Variants in PIK3C3 observed in about 807,000 individuals in gnomAD.
PIK3C3 encodes the protein PI3-kinase type 3.
In PIK3C3, 95 loss-of-function variants were observed where a neutral mutation model predicts 126.1. The ratio of observed to expected loss-of-function variants is 0.75; its 90% CI spans 0.64 to 0.89. The LOEUF is 0.89. Ranked by LOEUF, PIK3C3 falls within the 40% of genes least tolerant of loss-of-function variation. The pLI is 0.00. For missense variants in PIK3C3, 829 were observed against 1,063.2 expected (o/e 0.78, Z 3.06); for synonymous variants, 374 against 360.0 (o/e 1.04, Z -0.44).
At chr18:42,015,680 A>G (rs1361270935) in intron 12 of PIK3C3, 114 bp downstream of exon 12, 1 of 736,356 alleles carries the variant, frequency 1.4e-6, no homozygotes, top group African/African-American at 1.8e-5. Flanking sequence ...CAACTTTATT[A>G]AATAACTTAC....
chr18:42,064,836 T>A lies in PIK3C3; in HGVS notation c.2523+6T>A, dbSNP rs139276297. 203 of 1,451,892 alleles carry A rather than the reference T, an allele frequency of 1.4e-4. 1 individual carries two copies. The East Asian group carries it at 3.8e-3, about 27-fold the overall frequency. The allele number at this position is 1,451,892 out of a possible 1,614,324, so 89.9% of individuals were successfully genotyped here. On this transcript the variant is annotated splice_donor_region_variant and intron_variant, in intron 23 of 24. Coordinates refer to ENST00000262039, the MANE Select transcript of PIK3C3 (RefSeq NM_002647.4). ...CAGATAAAACTGTGAAAAAGGTAAT[T>A]TTTAAGTAACATAAATGAAGAGCTC...
At position 42,033,285 on chromosome 18, in the gene PIK3C3, AAATG is replaced by A. The variant is rs1185707599; in HGVS notation, c.1708-535_1708-532del. 2.0e-5 allele frequency among the ~76,000 whole-genome samples: 3 copies of A among 152,252 alleles called. No individual in the cohort carries two copies. The East Asian group carries it at 5.8e-4, about 29-fold the overall frequency. ...ATGCATTATGTATATGAGCTGAAGA[AAATG>A]AATGATGATGATATCCTAGGAAAAG... On this transcript the variant is annotated intron_variant, in intron 15 of 24. Coordinates refer to ENST00000262039, the MANE Select transcript of PIK3C3 (RefSeq NM_002647.4).
At chr18:41,983,867 T>C (rs911622028) in intron 4 of PIK3C3, among the ~76,000 whole-genome samples, 1 of 152,146 alleles carries the variant, frequency 6.6e-6, no homozygotes, top group African/African-American at 2.4e-5. Context: ...CATGTTGTTA[T>C]TTGGTTCTTG....
At position 42,085,065 on chromosome 18, in the gene PIK3C3, A is replaced by G. The variant is rs750972692; in HGVS notation, c.*3928A>G. ...TAACTTCATTTTCCCTTTCTTGTCCATAGTGGGAAAAAATAATTTTTAACT... is the reference window on the plus strand; with the variant it reads ...TAACTTCATTTTCCCTTTCTTGTCCGTAGTGGGAAAAAATAATTTTTAACT... On this transcript the variant is annotated 3_prime_UTR_variant, in exon 25 of 25. Transcript: ENST00000262039. 1.1e-4 allele frequency: 16 copies of G among 152,298 alleles called. No individual in the cohort carries two copies. Among genetic ancestry groups the G allele is most frequent in the African/African-American group, 3.1e-4 (13 of 41,568 alleles). The allele number at this position is 152,298 out of a possible 1,614,324, so 9.4% of individuals were successfully genotyped here. A position where few individuals can be genotyped will look rare whatever the true frequency, so the allele number is the denominator to read the frequency against.
At chr18:41,997,885 T>C (rs1239665396) in intron 9 of PIK3C3, among the ~76,000 whole-genome samples, 1 of 152,146 alleles carries the variant, frequency 6.6e-6, no homozygotes, top group East Asian at 1.9e-4. Context: ...CAACATCATA[T>C]ACATGCCTTA....
At chr18:42,028,038 C>T (rs1983653056) in intron 14 of PIK3C3, among the ~76,000 whole-genome samples, 1 of 152,074 alleles carries the variant, frequency 6.6e-6, no homozygotes, top group African/African-American at 2.4e-5. Flanking sequence ...TTTTAGTGTT[C>T]ATAAATTTAT....
At chr18:41,999,745 A>G (rs1008643382) in intron 9 of PIK3C3, among the ~76,000 whole-genome samples, 1 of 152,180 alleles carries the variant, frequency 6.6e-6, no homozygotes, top group Non-Finnish European at 1.5e-5. Flanking sequence ...TTAATATAAT[A>G]TAAATGTGGA....
rs1290461602 is a variant in PIK3C3, at chr18:42,076,181, CATAT to C, written c.2650-4935_2650-4932del. On this transcript the variant is annotated intron_variant, in intron 24 of 24. Transcript: ENST00000262039. ...ATATATGCACATATATATATATGCACATATATATATGCACACATATATATATGCA... is the reference window on the plus strand; with the variant it reads ...ATATATGCACATATATATATATGCACATATATGCACACATATATATATGCA... Among the ~76,000 whole-genome samples, 3 of 97,916 alleles carry C rather than the reference CATAT, an allele frequency of 3.1e-5. 1 individual carries two copies. Among genetic ancestry groups the C allele is most frequent in the African/African-American group, 1.5e-4 (3 of 19,370 alleles). 64.2% of individuals were successfully genotyped at this position (97,916 alleles called of 152,430 possible). A position where few individuals can be genotyped will look rare whatever the true frequency, so the allele number is the denominator to read the frequency against.
intron 21 of PIK3C3, among the ~76,000 whole-genome samples, chr18:42,056,566 A>G (rs1371862027): frequency 2.6e-5 from 4 of 151,934 alleles, no homozygotes; most frequent in African/African-American, 7.3e-5. Context: ...ACCAAGGAAA[A>G]TGTATCTACA....
chr18:41,976,850 GA>G (rs1165095497), intron 4 of PIK3C3, among the ~76,000 whole-genome samples: 3 of 152,208 alleles, frequency 2.0e-5, no homozygotes, highest in Non-Finnish European at 2.9e-5. Flanking sequence ...TGAAAGCGTA[GA>G]GAAGTTAAGC....
intron 5 of PIK3C3, 90 bp downstream of exon 5, chr18:41,987,988 C>T (rs1568123815): frequency 1.3e-6 from 1 of 746,106 alleles, no homozygotes. Flanking sequence ...AGGTATCTTA[C>T]AAATATAGGA....
In PIK3C3 at chr18:42,033,764, C is replaced by T. The variant is rs559070015; in HGVS notation, c.1708-62C>T. 64 of 1,258,510 alleles carry T rather than the reference C, an allele frequency of 5.1e-5. No homozygotes were observed. In the African/African-American group the frequency reaches 9.1e-4, roughly 18 times the overall value. The allele number at this position is 1,258,510 out of a possible 1,614,324, so 78.0% of individuals were successfully genotyped here. A position where few individuals can be genotyped will look rare whatever the true frequency, so the allele number is the denominator to read the frequency against. ...AATGGAATCAATTTTTATGTCTTTA[C>T]TATATGTTTTATAAACTACTCTTCT... On this transcript the variant is annotated intron_variant, in intron 15 of 24. Transcript: ENST00000262039.
chr18:42,009,045 T>TA (rs1982680760), intron 10 of PIK3C3, among the ~76,000 whole-genome samples: 2 of 152,284 alleles, frequency 1.3e-5, no homozygotes, highest in South Asian at 4.1e-4. Flanking sequence ...GAATTACTTA[T>TA]ACCTCCAAAG....
chr18:41,996,253 C>T (rs1181503583), intron 8 of PIK3C3, among the ~76,000 whole-genome samples: 2 of 152,132 alleles, frequency 1.3e-5, no homozygotes, highest in Non-Finnish European at 2.9e-5. Flanking sequence ...GGCCCTAAGA[C>T]ATTGCCTGAG....
chr18:42,012,846 A>G (rs183546764), intron 10 of PIK3C3, among the ~76,000 whole-genome samples: 54 of 152,302 alleles, frequency 3.5e-4, no homozygotes, highest in Admixed American at 1.2e-3. Flanking sequence ...CTCTTAATCA[A>G]CTGTTTAAAT....
At chr18:42,050,611 GCCT>G (rs1207398181) in intron 21 of PIK3C3, 2 of 152,150 alleles carry the variant, frequency 1.3e-5, no homozygotes, top group Non-Finnish European at 2.9e-5. Flanking sequence ...ATGTCTCTTG[GCCT>G]CATCTCATAT....
intron 4 of PIK3C3, among the ~76,000 whole-genome samples, chr18:41,979,874 CATTATTATT>C (rs60161824): frequency 1.7e-4 from 22 of 132,788 alleles, no homozygotes; most frequent in African/African-American, 5.4e-4. Context: ...GGAATCATGC[CATTATTATT>C]ATTATTATTA....
intron 20 of PIK3C3, 197 bp from the exon 21 acceptor site, chr18:42,049,334 A>G (rs1984691689): frequency 7.4e-6 from 3 of 406,198 alleles, no homozygotes; most frequent in Admixed American, 8.6e-5. Context: ...AGAATTCTAC[A>G]AGATTTTCTC....
intron 9 of PIK3C3, among the ~76,000 whole-genome samples, chr18:41,997,605 G>A (rs906505239): frequency 3.3e-5 from 5 of 152,022 alleles, no homozygotes; most frequent in Non-Finnish European, 7.4e-5. Flanking sequence ...GAGAGCCAAG[G>A]GGTACCTCTT....
Sources: allele counts gnomAD v4.1 joint callset (sites outside exome capture counted in the v4.1 genomes callset), GRCh38; gene constraint gnomAD v4.1.1; transcripts MANE v1.5; gene names NCBI Gene and HGNC (gene_info 2026-07-23, HGNC 2026-07-21).